The following RERGL variants were observed in gnomAD, a reference collection of about 807,000 sequenced individuals.
The protein encoded by RERGL is RERG like.
In RERGL, 22 loss-of-function variants were observed where a neutral mutation model predicts 24.7. The ratio of observed to expected loss-of-function variants is 0.89; its 90% CI spans 0.64 to 1.27. RERGL has a LOEUF of 1.27. Among genes scored for constraint, RERGL ranks in the 50% most tolerant of loss-of-function variants. The probability of loss-of-function intolerance (pLI) is 0.00; values close to 1 mark genes in which losing one functional copy is unlikely to be tolerated. For synonymous variants in RERGL, 76 were observed against 82.6 expected (o/e 0.92, Z 0.43); for missense variants, 259 against 235.3 (o/e 1.10, Z -0.66).
chr12:18,085,382 T>G (rs1285879055), intron 3 of RERGL, among the ~76,000 whole-genome samples: 6 of 152,206 alleles, frequency 3.9e-5, no homozygotes, highest in Non-Finnish European at 8.8e-5. Context: ...GTTGCAATTT[T>G]AAAGATATTT....
intron 1 of RERGL, 98 bp from the exon 2 acceptor site, chr12:18,089,054 C>G: frequency 8.5e-7 from 1 of 1,182,146 alleles, no homozygotes; most frequent in Non-Finnish European, 1.2e-6. Flanking sequence ...CAAAAATATT[C>G]AAGAATTAAT....
chr12:18,088,250 T>G (rs1271702125), intron 2 of RERGL, among the ~76,000 whole-genome samples: 1 of 152,094 alleles, frequency 6.6e-6, no homozygotes, highest in Non-Finnish European at 1.5e-5. Context: ...GTTTAATTGG[T>G]GAGCCAAAAA....
intron 2 of RERGL, among the ~76,000 whole-genome samples, chr12:18,086,377 C>A (rs1340737587): frequency 6.6e-6 from 1 of 152,060 alleles, no homozygotes; most frequent in Non-Finnish European, 1.5e-5. Context: ...TCTTATATAT[C>A]ATAATTTTTT....
At position 18,090,163 on chromosome 12, in the gene RERGL, A is replaced by T. The variant is rs1431551065; in HGVS notation, c.-23T>A. On this transcript the variant is annotated 5_prime_UTR_variant, in exon 1 of 5. Coordinates refer to ENST00000538724, the MANE Select transcript of RERGL (RefSeq NM_001286201.2). ...CATCTTGCTTTTCTGCTTCTTGGTC[A>T]GTCCTATTTTCTGGAACTACACTGC... 21 of 1,525,212 alleles carry T rather than the reference A, an allele frequency of 1.4e-5. No individual in the cohort carries two copies. The highest frequency in any genetic ancestry group is 1.8e-5 in the Non-Finnish European group (21 of 1,142,876). 94.5% of individuals were successfully genotyped at this position (1,525,212 alleles called of 1,614,324 possible).
rs761260726 is a variant in RERGL, at chr12:18,085,629, AG to A, written c.173del (p.Pro58LeufsTer40). The A allele has an allele frequency of 3.6e-5, 56 of 1,574,062 alleles. No homozygotes were observed. The African/African-American group carries it at 6.8e-4, about 19-fold the overall frequency. ...GTTTTGTTTTACTTACTTGAGAACAAGGGTCATATATTTCTAGATTTAGTTG... is the reference window on the plus strand; with the variant it reads ...GTTTTGTTTTACTTACTTGAGAACAAGGTCATATATTTCTAGATTTAGTTG... ...RKQLNLEIYD[P>X]CSQTQKAKFS... is the part of the protein sequence containing the mutation. On this transcript the variant is annotated frameshift_variant, in exon 3 of 5. Transcript: ENST00000538724. LOFTEE classifies it high-confidence loss of function.
chr12:18,081,543 ACAGATTT>A, intron 4 of RERGL, 70 bp from the exon 5 acceptor site: 4 of 1,276,648 alleles, frequency 3.1e-6, no homozygotes, highest in Non-Finnish European at 3.2e-6. Context: ...AAAAAAAAAA[ACAGATTT>A]ATAACCAAAG....
At chr12:18,081,578 GA>G in intron 4 of RERGL, 105 bp from the exon 5 acceptor site, 2 of 1,079,366 alleles carry the variant, frequency 1.9e-6, no homozygotes, top group Non-Finnish European at 1.3e-6. Context: ...AATCAAAAAA[GA>G]AAAAATATTG....
chr12:18,087,897 T>G (rs1332650577), intron 2 of RERGL, among the ~76,000 whole-genome samples: 1 of 152,178 alleles, frequency 6.6e-6, no homozygotes, highest in Non-Finnish European at 1.5e-5. Flanking sequence ...ATAATCAGCT[T>G]TCAAGCTCTT....
chr12:18,081,551 A>G (rs1947173386), intron 4 of RERGL, 78 bp from the exon 5 acceptor site: 1 of 1,237,030 alleles, frequency 8.1e-7, no homozygotes, highest in African/African-American at 1.5e-5. Context: ...AAACAGATTT[A>G]TAACCAAAGG....
At chr12:18,087,797 A>T (rs1406814638) in intron 2 of RERGL, among the ~76,000 whole-genome samples, 1 of 152,114 alleles carries the variant, frequency 6.6e-6, no homozygotes, top group Non-Finnish European at 1.5e-5. Flanking sequence ...CCGAGTCCTA[A>T]CTTGTATGTT....
intron 2 of RERGL, among the ~76,000 whole-genome samples, chr12:18,086,563 C>A (rs1947224283): frequency 6.6e-6 from 1 of 152,130 alleles, no homozygotes; most frequent in Admixed American, 6.6e-5. Flanking sequence ...ACCTTCAAGG[C>A]AACACTGTCT....
At chr12:18,084,737 T>G in intron 3 of RERGL, 72 bp from the exon 4 acceptor site, 1 of 1,293,580 alleles carries the variant, frequency 7.7e-7, no homozygotes, top group Non-Finnish European at 1.1e-6. Context: ...AACAGTTAAC[T>G]AATGGAGACC....
chr12:18,087,599 A>G (rs990488731), intron 2 of RERGL, among the ~76,000 whole-genome samples: 1 of 152,176 alleles, frequency 6.6e-6, no homozygotes, highest in Non-Finnish European at 1.5e-5. Flanking sequence ...TCATTTGATT[A>G]GCTTTTCAAA....
At chr12:18,085,995 C>G (rs1181004984) in intron 2 of RERGL, among the ~76,000 whole-genome samples, 1 of 149,198 alleles carries the variant, frequency 6.7e-6, no homozygotes, top group African/African-American at 2.5e-5. Context: ...GTAGCTGGGA[C>G]TACAGGGGCT....
Position 18,084,636 on chromosome 12 carries a change from A to C in RERGL, c.213T>G (p.Ser71Arg). The C allele has an allele frequency of 6.2e-7, 1 of 1,610,586 alleles. No individual in the cohort carries two copies. Among genetic ancestry groups the C allele is most frequent in the Non-Finnish European group, 8.5e-7 (1 of 1,178,834 alleles). ...CAAACCCATCTGCCCAGTGAAGCTCACTTGTGAGGGAGAATTTTGCTTTCT... is the reference window on the plus strand; with the variant it reads ...CAAACCCATCTGCCCAGTGAAGCTCCCTTGTGAGGGAGAATTTTGCTTTCT... ...QTQKAKFSLT[S>R]ELHWADGFVI... The change falls in exon 4 of 5, where the codon AGT (serine) becomes AGG (arginine). Residue 71 changes from serine (S) to arginine (R), a missense_variant. Physicochemically the swap from Ser to Arg is moderately radical, Grantham distance 110. Transcript: ENST00000538724.
chr12:18,080,912 TG>T lies in RERGL; in HGVS notation c.*278del, dbSNP rs1297399151. 1 of 249,084 alleles carries T rather than the reference TG, an allele frequency of 4.0e-6. No individual in the cohort carries two copies. The allele number at this position is 249,084 out of a possible 1,614,324, so 15.4% of individuals were successfully genotyped here. ...TAAATTCACATAAACAGAGTTTATT[TG>T]GCAAGGCAAACTGGGATCGCTGTCC... On this transcript the variant is annotated 3_prime_UTR_variant, in exon 5 of 5. Transcript: ENST00000538724.
In RERGL at chr12:18,089,984, T is replaced by G. The variant is rs143920767; in HGVS notation, c.52+105A>C. ...GAGATAATGTTATTATAGATATATT[T>G]TCATATATATGAAATATATATGAAA... is the stretch of plus-strand genomic sequence containing the variant. On this transcript the variant is annotated intron_variant, in intron 1 of 4. Transcript: ENST00000538724. 3 of 736,402 alleles carry G rather than the reference T, an allele frequency of 4.1e-6. No homozygotes were observed. The African/African-American group carries it at 5.4e-5, about 13-fold the overall frequency. The allele number at this position is 736,402 out of a possible 1,614,324, so 45.6% of individuals were successfully genotyped here.
intron 3 of RERGL, 80 bp from the exon 4 acceptor site, chr12:18,084,745 AC>A: frequency 8.5e-7 from 1 of 1,182,406 alleles, no homozygotes; most frequent in East Asian, 2.5e-5. Context: ...ACTAATGGAG[AC>A]CCACTTCCGC....
chr12:18,090,165 T>C lies in RERGL; in HGVS notation c.-25A>G, dbSNP rs1947256718. On this transcript the variant is annotated 5_prime_UTR_variant, in exon 1 of 5. Transcript: ENST00000538724. ...TCTTGCTTTTCTGCTTCTTGGTCAG[T>C]CCTATTTTCTGGAACTACACTGCCC... 9 of 1,524,738 alleles carry C rather than the reference T, an allele frequency of 5.9e-6. No homozygotes were observed. Among genetic ancestry groups the C allele is most frequent in the Non-Finnish European group, 7.0e-6 (8 of 1,142,544 alleles). 94.5% of individuals were successfully genotyped at this position (1,524,738 alleles called of 1,614,324 possible). A position where few individuals can be genotyped will look rare whatever the true frequency, so the allele number is the denominator to read the frequency against.
Sources: gnomAD v4.1 joint callset for allele counts (sites outside exome capture counted in the v4.1 genomes callset) on GRCh38, gnomAD v4.1.1 for gene constraint, MANE v1.5 for transcripts, NCBI Gene and HGNC (gene_info 2026-07-23, HGNC 2026-07-21) for gene names.